Variants in MSTN observed in about 807,000 individuals in gnomAD.
MSTN encodes myostatin, also known as growth/differentiation factor 8.
In MSTN, 12 loss-of-function variants were observed where a neutral mutation model predicts 32.3. The observed-to-expected ratio is 0.37, with a 90% CI of 0.24 to 0.60. The LOEUF (loss-of-function observed/expected upper bound fraction) is 0.60. MSTN is among the 20% of genes least tolerant of loss of function. MSTN has a pLI of 0.67. For synonymous variants in MSTN, 168 were observed against 155.1 expected, an observed-to-expected ratio of 1.08 and a Z score of -0.62; for missense variants, 403 against 450.3, an observed-to-expected ratio of 0.89 and a Z score of 0.95.
chr2:190,057,634 G>A lies in MSTN; in HGVS notation c.752C>T (p.Pro251Leu), dbSNP rs567560486. 127 of 1,612,948 alleles carry A rather than the reference G, an allele frequency of 7.9e-5. 1 individual carries two copies. The South Asian group carries it at 9.9e-4, about 13-fold the overall frequency. ...FPGPGEDGLN[P>L]FLEVKVTDTP... ...GTCTGTTACCTTGACCTCTAAAAAC[G>A]GATTCTGTTTGAAAAGGAAAGAACA... is the stretch of plus-strand genomic sequence containing the variant. Residue 251 changes from proline to leucine, a missense_variant, in exon 3 of 3, where the codon CCG becomes CTG. Physicochemically the swap from Pro to Leu is moderately conservative, Grantham distance 98. Coordinates refer to ENST00000260950, the MANE Select transcript of MSTN (RefSeq NM_005259.3).
chr2:190,059,331 T>C (rs557688509), intron 2 of MSTN, among the ~76,000 whole-genome samples: 41 of 152,128 alleles, frequency 2.7e-4, no homozygotes, highest in Middle Eastern at 3.4e-3. Context: ...TAAGGTATTG[T>C]CATTTACTTG....
intron 1 of MSTN, among the ~76,000 whole-genome samples, chr2:190,061,951 A>G (rs767758242): frequency 6.6e-6 from 1 of 152,102 alleles, no homozygotes; most frequent in African/African-American, 2.4e-5. Flanking sequence ...TTGTGAAAGC[A>G]TAAGCATGCT....
Position 190,056,979 on chromosome 2 carries a change from C to T in MSTN, c.*279G>A. 1 of 348,360 alleles carries T rather than the reference C, an allele frequency of 2.9e-6. No homozygotes were observed. The highest frequency in any genetic ancestry group is 5.3e-6 in the Non-Finnish European group (1 of 190,204). 21.6% of individuals were successfully genotyped at this position (348,360 alleles called of 1,614,324 possible). On this transcript the variant is annotated 3_prime_UTR_variant, in exon 3 of 3. Transcript: ENST00000260950. Reference sequence around the variant, plus strand: ...ACTCAAGGAGAATCGCTTTCATTTCCTCGCCGATGTTGTAATATATAGGAA... The same window carrying T: ...ACTCAAGGAGAATCGCTTTCATTTCTTCGCCGATGTTGTAATATATAGGAA...
In MSTN at chr2:190,057,126, A is replaced by G. The variant is rs1432055595; in HGVS notation, c.*132T>C. On this transcript the variant is annotated 3_prime_UTR_variant, in exon 3 of 3. Transcript: ENST00000260950. Reference sequence around the variant, plus strand: ...ATATATTCCCCCTTTTAGTTTACATACTGTAGCTTATGCTTAAGTGACTGT... The same window carrying G: ...ATATATTCCCCCTTTTAGTTTACATGCTGTAGCTTATGCTTAAGTGACTGT... The G allele has an allele frequency of 1.3e-5, 12 of 891,342 alleles. No individual in the cohort carries two copies. The highest frequency in any genetic ancestry group is 1.0e-4 in the African/African-American group (6 of 59,202). The allele number at this position is 891,342 out of a possible 1,614,324, so 55.2% of individuals were successfully genotyped here. A position where few individuals can be genotyped will look rare whatever the true frequency, so the allele number is the denominator to read the frequency against.
chr2:190,059,948 A>G, intron 2 of MSTN, 114 bp downstream of exon 2: 1 of 1,106,426 alleles, frequency 9.0e-7, no homozygotes, highest in Non-Finnish European at 1.3e-6. Context: ...GGGGTAAGAT[A>G]CCTTTGTCTA....
In MSTN at chr2:190,055,753, A is replaced by C. The variant is rs1685403890; in HGVS notation, c.*1505T>G. The C allele has an allele frequency of 2.0e-5, 3 of 152,210 alleles. No individual in the cohort carries two copies. Among genetic ancestry groups the C allele is most frequent in the Admixed American group, 2.0e-4 (3 of 15,276 alleles). 9.4% of individuals were successfully genotyped at this position (152,210 alleles called of 1,614,324 possible). ...TAATATAACTTATACTGTTTCTACAAATTAGATGTAAGAAATAATTTCATT... is the reference window on the plus strand; with the variant it reads ...TAATATAACTTATACTGTTTCTACACATTAGATGTAAGAAATAATTTCATT... On this transcript the variant is annotated 3_prime_UTR_variant, in exon 3 of 3. Coordinates refer to ENST00000260950, the MANE Select transcript of MSTN (RefSeq NM_005259.3).
Position 190,062,310 on chromosome 2 carries a change from A to G in MSTN, c.287T>C (p.Val96Ala), listed in dbSNP as rs1349656684. 1.2e-6 allele frequency: 2 copies of G among 1,613,228 alleles called. No individual in the cohort carries two copies. The highest frequency in any genetic ancestry group is 2.2e-5 in the East Asian group (1 of 44,878). The change falls in exon 1 of 3, where the codon GTC becomes GCC. Residue 96 changes from valine (V) to alanine (A), a missense_variant. By Grantham distance (64) the Val-to-Ala change is moderately conservative. Transcript: ENST00000260950. The stretch of plus-strand genomic sequence containing the variant: ...GCCATCGCTGCTGTCATCCCTCTGG[A>G]CATCATACTGATCAATCAGTTCCCG... ...PLRELIDQYD[V>A]QRDDSSDGSL...
At chr2:190,058,898 T>C (rs904736727) in intron 2 of MSTN, among the ~76,000 whole-genome samples, 5 of 151,936 alleles carry the variant, frequency 3.3e-5, no homozygotes, top group Non-Finnish European at 7.4e-5. Context: ...CTTGGAGTGA[T>C]GGGTGCACTA....
rs1685417276 is a variant in MSTN at position 190,056,033 on chromosome 2, C to T, written c.*1225G>A. On this transcript the variant is annotated 3_prime_UTR_variant, in exon 3 of 3. Transcript: ENST00000260950. ...GTAAACCATTGAAATTTCAAATTCACTTTATACAGCCATCATGAATCCATA... is the reference window on the plus strand; with the variant it reads ...GTAAACCATTGAAATTTCAAATTCATTTTATACAGCCATCATGAATCCATA... 1 of 152,422 alleles carries T rather than the reference C, an allele frequency of 6.6e-6. No homozygotes were observed. The highest frequency in any genetic ancestry group is 1.5e-5 in the Non-Finnish European group (1 of 67,960). The allele number at this position is 152,422 out of a possible 1,614,324, so 9.4% of individuals were successfully genotyped here.
chr2:190,059,214 G>T (rs1471406334), intron 2 of MSTN, among the ~76,000 whole-genome samples: 2 of 151,860 alleles, frequency 1.3e-5, no homozygotes, highest in Non-Finnish European at 2.9e-5. Flanking sequence ...AACGTAAAAA[G>T]ATGTGATCAC....
intron 1 of MSTN, among the ~76,000 whole-genome samples, chr2:190,061,001 C>CA (rs772433361): frequency 2.0e-5 from 3 of 151,966 alleles, no homozygotes; most frequent in Non-Finnish European, 2.9e-5. Flanking sequence ...ATAATTAACA[C>CA]AAAAATTTTG....
chr2:190,058,607 G>A (rs114308260), intron 2 of MSTN, among the ~76,000 whole-genome samples: 1 of 151,802 alleles, frequency 6.6e-6, no homozygotes, highest in African/African-American at 2.4e-5. Context: ...ACCAGCCTAA[G>A]TGCCCATCAG....
chr2:190,057,201 A>T lies in MSTN; in HGVS notation c.*57T>A. On this transcript the variant is annotated 3_prime_UTR_variant, in exon 3 of 3. Transcript: ENST00000260950. The stretch of plus-strand genomic sequence containing the variant: ...TGGTACTTAATTTCACAGCTTCAAA[A>T]TTGTTGAGGGGAAAACCTTCCATGT... The T allele has an allele frequency of 6.2e-7, 1 of 1,602,186 alleles. No homozygotes were observed. The highest frequency in any genetic ancestry group is 8.5e-7 in the Non-Finnish European group (1 of 1,171,240).
At chr2:190,061,113 A>G (rs796150074) in intron 1 of MSTN, among the ~76,000 whole-genome samples, 1 of 152,054 alleles carries the variant, frequency 6.6e-6, no homozygotes, top group South Asian at 2.1e-4. Flanking sequence ...TTGGTTTTCC[A>G]AAATTGTCTA....
intron 1 of MSTN, 70 bp from the exon 2 acceptor site, chr2:190,060,505 G>A: frequency 7.2e-7 from 1 of 1,396,914 alleles, no homozygotes; most frequent in Non-Finnish European, 9.8e-7. Context: ...CATATTAATA[G>A]TTGAGCATTT....
At chr2:190,058,189 T>C (rs373990374) in intron 2 of MSTN, among the ~76,000 whole-genome samples, 2 of 152,058 alleles carry the variant, frequency 1.3e-5, no homozygotes, top group Non-Finnish European at 2.9e-5. Flanking sequence ...TTTCCTTTAT[T>C]CTTTCACTGG....
intron 2 of MSTN, among the ~76,000 whole-genome samples, chr2:190,058,252 A>G (rs1006237436): frequency 6.6e-6 from 1 of 151,974 alleles, no homozygotes; most frequent in South Asian, 2.1e-4. Context: ...CTCTGCCCCA[A>G]TCTTTTAATG....
In MSTN at chr2:190,057,011, T is replaced by C. The variant is rs1049227376; in HGVS notation, c.*247A>G. ...ATGTTGTAATATATAGGAACATAAATGTAATTTGATCTCCTTCTAGCTCAA... is the reference window on the plus strand; with the variant it reads ...ATGTTGTAATATATAGGAACATAAACGTAATTTGATCTCCTTCTAGCTCAA... On this transcript the variant is annotated 3_prime_UTR_variant, in exon 3 of 3. Coordinates refer to ENST00000260950, the MANE Select transcript of MSTN (RefSeq NM_005259.3). 5.4e-5 allele frequency: 26 copies of C among 480,200 alleles called. No homozygotes were observed. In the Middle Eastern group the frequency reaches 2.3e-3, roughly 42 times the overall value. The allele number at this position is 480,200 out of a possible 1,614,324, so 29.7% of individuals were successfully genotyped here.
In MSTN at chr2:190,060,134, A is replaced by T. The variant is rs751547568; in HGVS notation, c.675T>A (p.Ile225=). The T allele has an allele frequency of 4.3e-6, 7 of 1,612,902 alleles. No homozygotes were observed. The highest frequency in any genetic ancestry group is 8.5e-7 in the Non-Finnish European group (1 of 1,179,176). Residue 225 remains isoleucine, a synonymous_variant, in exon 2 of 3, where the codon ATT becomes ATA. Coordinates refer to ENST00000260950, the MANE Select transcript of MSTN (RefSeq NM_005259.3). ...WLKQPESNLG[I]EIKALDENGH... ...CATTCTCATCTAAAGCTTTTATTTC[A>T]ATGCCTAAGTTGGATTCAGGTTGTT...
Sources: allele counts gnomAD v4.1 joint callset (sites outside exome capture counted in the v4.1 genomes callset), GRCh38; gene constraint gnomAD v4.1.1; transcripts MANE v1.5; gene names NCBI Gene and HGNC (gene_info 2026-07-23, HGNC 2026-07-21).